ARL6IP4: variants seen among roughly 807,000 people sequenced by gnomAD.
ARL6IP4 encodes the protein ADP-ribosylation factor-like protein 6-interacting protein 4.
ARL6IP4 carries 24 observed loss-of-function variants against 28.1 expected under a neutral mutation model. The observed-to-expected ratio is 0.86, with a 90% CI of 0.62 to 1.20. The LOEUF is 1.20. Among genes scored for constraint, ARL6IP4 ranks in the 50% most tolerant of loss-of-function variants. The pLI, the probability that ARL6IP4 is intolerant of heterozygous loss-of-function variation, is 0.00. For missense variants in ARL6IP4, 343 were observed against 302.4 expected (o/e 1.13, Z -1.00); for synonymous variants, 162 against 122.3 (o/e 1.32, Z -2.14).
intron 1 of ARL6IP4, 56 bp from the exon 2 acceptor site, chr12:122,981,072 GC>G (rs2037624043): frequency 6.6e-7 from 1 of 1,506,566 alleles, no homozygotes; most frequent in Non-Finnish European, 8.9e-7. Context: ...CACCCTTGGA[GC>G]CCGCCCGCGG....
At position 122,982,480 on chromosome 12, in the gene ARL6IP4, G is replaced by A. The variant is rs1330496940; in HGVS notation, c.599G>A (p.Gly200Glu). ...CCTCCCACCCCCAGGCTTATTAAGG[G>A]AGATGGCGAGGTCCTAGAGGAAATC... Reference protein sequence around the residue: ...PETGRTRLIKGDGEVLEEIVT... With the variant: ...PETGRTRLIKEDGEVLEEIVT... Residue 200 changes from glycine (G) to glutamate (E), a missense_variant, in exon 5 of 6, where the codon GGA (glycine) becomes GAA (glutamate). Transcript: ENST00000315580. 6.2e-7 allele frequency: 1 copy of A among 1,613,684 alleles called. No individual in the cohort carries two copies. The highest frequency in any genetic ancestry group is 8.5e-7 in the Non-Finnish European group (1 of 1,179,824).
In ARL6IP4 at chr12:122,982,551, C is replaced by T; in HGVS notation, c.657+13C>T. 1 of 1,614,160 alleles carries T rather than the reference C, an allele frequency of 6.2e-7. No homozygotes were observed. Among genetic ancestry groups the T allele is most frequent in the Non-Finnish European group, 8.5e-7 (1 of 1,180,016 alleles). On this transcript the variant is annotated intron_variant, in intron 5 of 5. Transcript: ENST00000315580. ...AGAGATCAACAAGGTGGGTGTGGCC[C>T]CTCTGCCTGCCATCCGCCCCCAGCT...
At chr12:122,982,108 A>G (rs1283712719) in intron 4 of ARL6IP4, 34 bp downstream of exon 4, 1 of 1,602,500 alleles carries the variant, frequency 6.2e-7, no homozygotes, top group Non-Finnish European at 8.5e-7. Context: ...ACACCACAGG[A>G]TCTGGGAGTG....
chr12:122,980,972 G>A lies in ARL6IP4; in HGVS notation c.-11-157G>A, dbSNP rs1320826329. 12 of 1,384,128 alleles carry A rather than the reference G, an allele frequency of 8.7e-6. No homozygotes were observed. The South Asian group carries it at 1.3e-4, about 15-fold the overall frequency. The allele number at this position is 1,384,128 out of a possible 1,614,324, so 85.7% of individuals were successfully genotyped here. A position where few individuals can be genotyped will look rare whatever the true frequency, so the allele number is the denominator to read the frequency against. On this transcript the variant is annotated intron_variant, in intron 1 of 5. Transcript: ENST00000315580. The stretch of plus-strand genomic sequence containing the variant: ...ACTGGAGTCGGCGGAGAAAACCGGG[G>A]TCCCCAGCGCTGGGGGTGGGTGAGG...
intron 1 of ARL6IP4, 170 bp from the exon 2 acceptor site, chr12:122,980,959 G>A (rs940450054): frequency 1.4e-6 from 2 of 1,385,282 alleles, no homozygotes; most frequent in East Asian, 5.9e-5. Flanking sequence ...TGGAGTCGGC[G>A]GAGAAAACCG....
rs2037666927 is a variant in ARL6IP4, at chr12:122,981,655, GTTC to G, written c.250_252del (p.Ser98del). 2.6e-6 allele frequency: 4 copies of G among 1,556,812 alleles called. No individual in the cohort carries two copies. Among genetic ancestry groups the G allele is most frequent in the African/African-American group, 1.4e-5 (1 of 73,470 alleles). Reference sequence around the variant, plus strand: ...TCCAGCTCCTCCTCCTCTTCTTCCAGTTCTTCTAGCTCCTCTTCTTCCTCCTCG... The same window carrying G: ...TCCAGCTCCTCCTCCTCTTCTTCCAGTTCTAGCTCCTCTTCTTCCTCCTCG... On this transcript the variant is annotated inframe_deletion, in exon 3 of 6. Transcript: ENST00000315580.
At chr12:122,980,301 C>T (rs1214008702), upstream of ARL6IP4, 2 of 1,280,710 alleles carry the variant, frequency 1.6e-6, no homozygotes, top group Non-Finnish European at 2.0e-6. Context: ...TCTTTCTGGC[C>T]CCTACGGACA....
At chr12:122,982,195 C>G (rs904230245) in intron 4 of ARL6IP4, 121 bp downstream of exon 4, 1 of 1,132,254 alleles carries the variant, frequency 8.8e-7, no homozygotes, top group African/African-American at 1.5e-5. Context: ...CAAATGTGGG[C>G]AAAAATACGG....
intron 2 of ARL6IP4, 128 bp from the exon 3 acceptor site, chr12:122,981,443 C>A: frequency 7.2e-7 from 1 of 1,388,906 alleles, no homozygotes; most frequent in Non-Finnish European, 9.6e-7. Flanking sequence ...CAGGAAGGGG[C>A]TCCTCTGGGA....
At chr12:122,980,267 C>A (rs1157119516), upstream of ARL6IP4, 18 of 1,247,654 alleles carry the variant, frequency 1.4e-5, no homozygotes, top group African/African-American at 3.1e-5. Flanking sequence ...GGCCTGGGGT[C>A]CATGCCCGCG....
In ARL6IP4 at chr12:122,981,301, T is replaced by C. The variant is rs1594105761; in HGVS notation, c.160+2T>C. ...CCAGCACGGCCCCTGGGGCGGAGGGTGAGGACCACAGGCATCGGGGAGAGG... is the reference window on the plus strand; with the variant it reads ...CCAGCACGGCCCCTGGGGCGGAGGGCGAGGACCACAGGCATCGGGGAGAGG... On this transcript the variant is annotated splice_donor_variant, in intron 2 of 5. Coordinates refer to ENST00000315580, the MANE Select transcript of ARL6IP4 (RefSeq NM_018694.4). LOFTEE classifies it high-confidence loss of function. 1 of 1,545,092 alleles carries C rather than the reference T, an allele frequency of 6.5e-7. No individual in the cohort carries two copies. The highest frequency in any genetic ancestry group is 2.0e-5 in the Admixed American group (1 of 50,042).
upstream of ARL6IP4, chr12:122,980,380 G>C (rs749601525): frequency 1.7e-5 from 23 of 1,325,970 alleles, no homozygotes; most frequent in Non-Finnish European, 2.1e-5. Context: ...TCTGGAGCTC[G>C]CAGTCGTATG....
intron 2 of ARL6IP4, 53 bp from the exon 3 acceptor site, chr12:122,981,518 C>G: frequency 6.8e-7 from 1 of 1,475,070 alleles, no homozygotes; most frequent in South Asian, 1.3e-5. Context: ...CTGTGCCTGC[C>G]CCAGGCCAGA....
At chr12:122,980,267 C>G, upstream of ARL6IP4, 1 of 1,247,654 alleles carries the variant, frequency 8.0e-7, no homozygotes, top group Non-Finnish European at 1.0e-6. Context: ...GGCCTGGGGT[C>G]CATGCCCGCG....
At chr12:122,981,034 C>A in intron 1 of ARL6IP4, 95 bp from the exon 2 acceptor site, 1 of 1,430,538 alleles carries the variant, frequency 7.0e-7, no homozygotes, top group South Asian at 1.5e-5. Context: ...GGGTACTGGG[C>A]GTCGCCAGGC....
At position 122,980,784 on chromosome 12, in the gene ARL6IP4, C is replaced by T. The variant is rs1034350981; in HGVS notation, c.-12+39C>T. On this transcript the variant is annotated intron_variant, in intron 1 of 5. Transcript: ENST00000315580. ...AGCCCCGGGGGCCCCCTTGAGGCGGCGAGGCCGCGAAGGGCGCGGGGCTGG... is the reference window on the plus strand; with the variant it reads ...AGCCCCGGGGGCCCCCTTGAGGCGGTGAGGCCGCGAAGGGCGCGGGGCTGG... 6.1e-6 allele frequency: 8 copies of T among 1,301,980 alleles called. No individual in the cohort carries two copies. The Admixed American group carries it at 1.7e-4, about 27-fold the overall frequency. The allele number at this position is 1,301,980 out of a possible 1,614,324, so 80.7% of individuals were successfully genotyped here. A position where few individuals can be genotyped will look rare whatever the true frequency, so the allele number is the denominator to read the frequency against.
intron 2 of ARL6IP4, 123 bp from the exon 3 acceptor site, chr12:122,981,448 C>T: frequency 1.2e-5 from 16 of 1,384,858 alleles, no homozygotes; most frequent in African/African-American, 1.5e-5. Flanking sequence ...AGGGGCTCCT[C>T]TGGGAAGCTC....
chr12:122,981,996 A>G lies in ARL6IP4; in HGVS notation c.509A>G (p.Lys170Arg), dbSNP rs2037694955. The change falls in exon 4 of 6, where the codon AAG becomes AGG. Residue 170 changes from lysine (K) to arginine (R), a missense_variant. By Grantham distance (26) the Lys-to-Arg change is conservative. Coordinates refer to ENST00000315580, the MANE Select transcript of ARL6IP4 (RefSeq NM_018694.4). ...DEQKSRIQAM[K>R]PMTKEEWDAR... ...CAGAAGTCCCGAATCCAGGCCATGA[A>G]GCCCATGACCAAGGAGGAGTGGGAT... 2 of 1,613,602 alleles carry G rather than the reference A, an allele frequency of 1.2e-6. No individual in the cohort carries two copies. The highest frequency in any genetic ancestry group is 8.5e-7 in the Non-Finnish European group (1 of 1,180,032).
At position 122,981,578 on chromosome 12, in the gene ARL6IP4, T is replaced by A; in HGVS notation, c.168T>A (p.Pro56=). The A allele has an allele frequency of 6.4e-7, 1 of 1,550,940 alleles. No homozygotes were observed. The highest frequency in any genetic ancestry group is 1.4e-5 in the African/African-American group (1 of 73,916). The change falls in exon 3 of 6, where the codon CCT becomes CCA. Residue 56 remains proline (P), a synonymous_variant. Coordinates refer to ENST00000315580, the MANE Select transcript of ARL6IP4 (RefSeq NM_018694.4). ...ASTAPGAEAS[P]SPCITERSKQ... is the part of the protein sequence containing the mutation. ...CCCCTCCTGGCCTTCCAGCCTCACC[T>A]TCTCCCTGCATCACAGAGAGAAGCA...
Sources: allele counts gnomAD v4.1 joint callset, GRCh38; gene constraint gnomAD v4.1.1; transcripts MANE v1.5; gene names NCBI Gene and HGNC (gene_info 2026-07-23, HGNC 2026-07-21).